MEGF10: variants seen among roughly 807,000 people sequenced by gnomAD.
MEGF10 encodes multiple EGF like domains 10.
Under a neutral mutation model 147.5 loss-of-function variants are expected in MEGF10, and 86 were observed. The observed-to-expected ratio is 0.58, with a 90% CI of 0.49 to 0.70. The LOEUF is 0.70. MEGF10 is among the 30% of genes least tolerant of loss of function. MEGF10 has a pLI of 0.00. For synonymous variants in MEGF10, 478 were observed against 525.5 expected (o/e 0.91, Z 1.24); for missense variants, 1,329 against 1,487.3 (o/e 0.89, Z 1.75).
the MEGF10 span, among the ~76,000 whole-genome samples, chr5:127,283,261 C>T: frequency 6.6e-6 from 1 of 152,202 alleles, no homozygotes; most frequent in African/African-American, 2.4e-5. Flanking sequence ...CACACACATT[C>T]ATAAGTCCTC....
intron 4 of MEGF10, among the ~76,000 whole-genome samples, chr5:127,367,267 T>TGA (rs1326349728): frequency 2.0e-5 from 3 of 152,148 alleles, no homozygotes; most frequent in African/African-American, 7.2e-5. Context: ...AGCAGTGAAT[T>TGA]GAGACCTGTC....
At chr5:127,452,880 T>C (rs1047083531) in intron 22 of MEGF10, among the ~76,000 whole-genome samples, 1 of 151,904 alleles carries the variant, frequency 6.6e-6, no homozygotes, top group African/African-American at 2.4e-5. Context: ...CGTGTGCCCT[T>C]CCCCCCAGCT....
At chr5:127,297,365 G>T (rs1345800242) in intron 1 of MEGF10, among the ~76,000 whole-genome samples, 1 of 152,036 alleles carries the variant, frequency 6.6e-6, no homozygotes, top group African/African-American at 2.4e-5. Context: ...GACTAAAAAA[G>T]TACACATTGC....
chr5:127,453,053 C>A (rs1766216887), intron 22 of MEGF10, among the ~76,000 whole-genome samples: 1 of 152,144 alleles, frequency 6.6e-6, no homozygotes, highest in African/African-American at 2.4e-5. Flanking sequence ...CTCAGTGATC[C>A]CCATGGGACA....
intron 1 of MEGF10, among the ~76,000 whole-genome samples, chr5:127,298,398 C>A (rs191386497): frequency 6.6e-6 from 1 of 152,310 alleles, no homozygotes; most frequent in Admixed American, 6.5e-5. Flanking sequence ...TTCCAGTATC[C>A]TCCCTGCTTT....
At chr5:127,247,404 GAA>G in the MEGF10 span, among the ~76,000 whole-genome samples, 13 of 60,418 alleles carry the variant, frequency 2.2e-4, 1 homozygote, top group Non-Finnish European at 3.5e-4. Context: ...AGAAGAAGAA[GAA>G]GAAGAAGAAG....
chr5:127,417,595 G>A, intron 9 of MEGF10, 43 bp from the exon 10 acceptor site: 1 of 1,606,228 alleles, frequency 6.2e-7, no homozygotes, highest in Non-Finnish European at 8.5e-7. Context: ...TGGGTGTCAT[G>A]TTTACCCCAA....
At chr5:127,302,382 C>T (rs1157479454) in intron 1 of MEGF10, among the ~76,000 whole-genome samples, 1 of 152,176 alleles carries the variant, frequency 6.6e-6, no homozygotes, top group East Asian at 1.9e-4. Flanking sequence ...CAAAAGACCA[C>T]ATATTGTGTG....
the MEGF10 span, among the ~76,000 whole-genome samples, chr5:127,238,504 C>G: frequency 6.6e-6 from 1 of 152,168 alleles, no homozygotes; most frequent in Non-Finnish European, 1.5e-5. Context: ...ATGTAGCAAC[C>G]CAGTGTTGAC....
At chr5:127,448,987 C>T in intron 21 of MEGF10, 112 bp from the exon 22 acceptor site, 8 of 1,430,134 alleles carry the variant, frequency 5.6e-6, no homozygotes, top group Non-Finnish European at 7.6e-6. Flanking sequence ...GCTCAGGTCA[C>T]TCTAAGGACT....
At chr5:127,230,262 C>T in the MEGF10 span, among the ~76,000 whole-genome samples, 2 of 152,206 alleles carry the variant, frequency 1.3e-5, no homozygotes, top group East Asian at 3.9e-4. Flanking sequence ...CCCTTCCTAG[C>T]CCCATTGATC....
chr5:127,393,809 A>G (rs1284758665), intron 5 of MEGF10, among the ~76,000 whole-genome samples: 1 of 145,458 alleles, frequency 6.9e-6, no homozygotes, highest in African/African-American at 2.6e-5. Flanking sequence ...ATATCTTCAA[A>G]GTTTTTTTTT....
At position 127,455,669 on chromosome 5, in the gene MEGF10, CT is replaced by C. The variant is rs1241797168; in HGVS notation, c.3232+65del. 12 of 1,369,524 alleles carry C rather than the reference CT, an allele frequency of 8.8e-6. No homozygotes were observed. The African/African-American group carries it at 1.6e-4, about 18-fold the overall frequency. The allele number at this position is 1,369,524 out of a possible 1,614,324, so 84.8% of individuals were successfully genotyped here. A position where few individuals can be genotyped will look rare whatever the true frequency, so the allele number is the denominator to read the frequency against. ...AAGTTTTTAAAAACAATTTTAAAGTCTTTACGAATATAATAGTTGCAGGTCA... is the reference window on the plus strand; with the variant it reads ...AAGTTTTTAAAAACAATTTTAAAGTCTTACGAATATAATAGTTGCAGGTCA... On this transcript the variant is annotated intron_variant, in intron 24 of 24. Transcript: ENST00000503335.
intron 2 of MEGF10, among the ~76,000 whole-genome samples, chr5:127,337,410 T>G (rs1286606733): frequency 6.6e-6 from 1 of 152,062 alleles, no homozygotes; most frequent in Non-Finnish European, 1.5e-5. Context: ...TCAAAATAAT[T>G]TAAAGTTCCA....
chr5:127,233,543 G>A, the MEGF10 span, among the ~76,000 whole-genome samples: 1 of 152,204 alleles, frequency 6.6e-6, no homozygotes, highest in African/African-American at 2.4e-5. Context: ...GCAATAAAAA[G>A]CACAAATTAA....
At chr5:127,391,122 A>G (rs373002472) in intron 5 of MEGF10, among the ~76,000 whole-genome samples, 7 of 87,680 alleles carry the variant, frequency 8.0e-5, no homozygotes, top group Non-Finnish European at 1.5e-4. Flanking sequence ...ACACACACAC[A>G]CACACACACA....
At position 127,442,878 on chromosome 5, in the gene MEGF10, T is replaced by C. The variant is rs950078025; in HGVS notation, c.2363-120T>C. The C allele has an allele frequency of 1.1e-5, 11 of 1,034,926 alleles. No individual in the cohort carries two copies. In the Admixed American group the frequency reaches 2.3e-4, roughly 22 times the overall value. The allele number at this position is 1,034,926 out of a possible 1,614,324, so 64.1% of individuals were successfully genotyped here. On this transcript the variant is annotated intron_variant, in intron 18 of 24. Transcript: ENST00000503335. Reference sequence around the variant, plus strand: ...TCTGGGACACTCTTGGGGGTACAAGTCAGCCTCAATAGGAATCCCCTGAAA... The same window carrying C: ...TCTGGGACACTCTTGGGGGTACAAGCCAGCCTCAATAGGAATCCCCTGAAA...
chr5:127,377,217 A>G (rs1429578644), intron 5 of MEGF10, among the ~76,000 whole-genome samples: 1 of 152,040 alleles, frequency 6.6e-6, no homozygotes, highest in African/African-American at 2.4e-5. Flanking sequence ...TGTGATGGAA[A>G]CCCTTTAAAC....
chr5:127,353,738 G>C (rs1762176748), intron 4 of MEGF10, among the ~76,000 whole-genome samples: 1 of 129,116 alleles, frequency 7.7e-6, no homozygotes, highest in Admixed American at 7.7e-5. Flanking sequence ...GTAGACTTAA[G>C]TCTGCTAACT....
Sources: gnomAD v4.1 joint callset for allele counts (sites outside exome capture counted in the v4.1 genomes callset) on GRCh38, gnomAD v4.1.1 for gene constraint, MANE v1.5 for transcripts, NCBI Gene and HGNC (gene_info 2026-07-23, HGNC 2026-07-21) for gene names.